The following ABR variants were observed in gnomAD, a reference collection of about 807,000 sequenced individuals.
ABR encodes ABR activator of RhoGEF and GTPase.
Under a neutral mutation model 107.2 loss-of-function variants are expected in ABR, and 35 were observed. The ratio of observed to expected loss-of-function variants is 0.33; its 90% CI spans 0.25 to 0.43. The LOEUF is 0.43. Ranked by LOEUF, ABR falls within the 20% of genes least tolerant of loss-of-function variation. The pLI is 1.00. For synonymous variants in ABR, 498 were observed against 462.0 expected, an observed-to-expected ratio of 1.08 and a Z score of -1.00; for missense variants, 815 against 1,115.2, an observed-to-expected ratio of 0.73 and a Z score of 3.83.
Position 1,005,987 on chromosome 17 carries a change from T to A in ABR, c.*93A>T. The A allele has an allele frequency of 8.4e-7, 1 of 1,184,082 alleles. No individual in the cohort carries two copies. The highest frequency in any genetic ancestry group is 1.2e-6 in the Non-Finnish European group (1 of 815,364). 73.3% of individuals were successfully genotyped at this position (1,184,082 alleles called of 1,614,324 possible). ...TCCCTCGAGTCTGGAGTGCTGGGTT[T>A]GGGAGTTTTCTATTGCAGTCTTTCA... On this transcript the variant is annotated 3_prime_UTR_variant, in exon 23 of 23. Transcript: ENST00000302538.
intron 16 of ABR, among the ~76,000 whole-genome samples, chr17:1,023,090 GCAGAGCCTCTGCCGGCCCCACGTCCACTA>G (rs2071836953): frequency 3.5e-5 from 4 of 114,686 alleles, no homozygotes; most frequent in South Asian, 2.8e-4. Context: ...CACGTCCACT[GCAGAGCCTCTGCCGGCCCCACGTCCACTA>G]CAGCGCCTCT....
chr17:1,207,822 T>C (rs1172066404), intron 1 of ABR, among the ~76,000 whole-genome samples: 6 of 151,548 alleles, frequency 4.0e-5, no homozygotes, highest in Non-Finnish European at 8.8e-5. Context: ...CAGGCTGGAG[T>C]GCAGAGGTGC....
intron 16 of ABR, among the ~76,000 whole-genome samples, chr17:1,024,927 C>A (rs1192162002): frequency 2.0e-5 from 3 of 151,940 alleles, no homozygotes; most frequent in Non-Finnish European, 4.4e-5. Flanking sequence ...CAAGACCAGC[C>A]TGGCTAACAC....
chr17:1,084,118 G>T lies in ABR; in HGVS notation c.532-491C>A, dbSNP rs1273723190. Among the ~76,000 whole-genome samples the T allele has an allele frequency of 6.6e-6, 1 of 152,224 alleles. No homozygotes were observed. Among genetic ancestry groups the T allele is most frequent in the Non-Finnish European group, 1.5e-5 (1 of 68,044 alleles). ...CATTTAAAGGTGCTGTCTTGGCCGG[G>T]CGTGGCGGCTCACGCCTGTAACCCC... On this transcript the variant is annotated intron_variant, in intron 4 of 22. Transcript: ENST00000302538. The surrounding 1 kb of genome is among the most constrained non-coding windows in gnomAD (Gnocchi z 4.2).
chr17:1,180,063 CGGGGCGGGGA>C (rs1243968088), upstream of ABR, among the ~76,000 whole-genome samples: 1,475 of 7,198 alleles, frequency 0.2, 54 homozygotes, highest in African/African-American at 0.37. Context: ...GGTGCGGGGG[CGGGGCGGGGA>C]GGGACCAATC....
At chr17:1,018,803 T>C (rs1275088443) in intron 16 of ABR, among the ~76,000 whole-genome samples, 1 of 152,184 alleles carries the variant, frequency 6.6e-6, no homozygotes, top group Admixed American at 6.5e-5. Context: ...CACTGATGAA[T>C]CCTCTACACA....
Position 1,108,966 on chromosome 17 carries a change from C to A in ABR, c.247-8231G>T, listed in dbSNP as rs1202002230. 1.9e-6 allele frequency: 3 copies of A among 1,596,866 alleles called. No homozygotes were observed. In the Admixed American group the frequency reaches 5.1e-5, roughly 27 times the overall value. On this transcript the variant is annotated intron_variant, in intron 2 of 22. Transcript: ENST00000302538. Reference sequence around the variant, plus strand: ...GCCACCAGGAAGGGGGACCCTGAGCCGGGGCTGGTCGGGGTTCCCAGCTCG... The same window carrying A: ...GCCACCAGGAAGGGGGACCCTGAGCAGGGGCTGGTCGGGGTTCCCAGCTCG...
chr17:1,101,797 G>T (rs912614541), intron 2 of ABR, among the ~76,000 whole-genome samples: 2 of 150,484 alleles, frequency 1.3e-5, no homozygotes, highest in Non-Finnish European at 3.0e-5. Context: ...GCAGTGGCGC[G>T]ATCTCGGCTC....
upstream of ABR, among the ~76,000 whole-genome samples, chr17:1,180,493 C>A (rs901606217): frequency 2.0e-5 from 3 of 152,078 alleles, no homozygotes; most frequent in Non-Finnish European, 4.4e-5. Flanking sequence ...CCGTTCCCGC[C>A]ACACATGGAG....
chr17:1,200,410 G>A lies in ABR; in HGVS notation c.838+28383C>T, dbSNP rs537248772. Among the ~76,000 whole-genome samples, 2 of 152,040 alleles carry A rather than the reference G, an allele frequency of 1.3e-5. No individual in the cohort carries two copies. The highest frequency in any genetic ancestry group is 2.4e-5 in the African/African-American group (1 of 41,408). ...TTTTTAAATAAAGTCTATGGGAGAC[G>A]TGATTAGGTTACATGTAACTATTAC... On this transcript the variant is annotated intron_variant, in intron 1 of 22. Coordinates refer to the ABR transcript ENST00000574139. The surrounding 1 kb of genome is among the most constrained non-coding windows in gnomAD (Gnocchi z 4.1).
In ABR at chr17:1,010,691, C is replaced by G. The variant is rs747683708; in HGVS notation, c.2236+38G>C. 6.2e-7 allele frequency: 1 copy of G among 1,605,866 alleles called. No homozygotes were observed. The highest frequency in any genetic ancestry group is 1.7e-5 in the Admixed American group (1 of 59,324). Reference sequence around the variant, plus strand: ...TCCGGGCAGGGAGTCCTGGCTCAGTCTGGCCCAGCCCAGTCCTAGGAGCCC... The same window carrying G: ...TCCGGGCAGGGAGTCCTGGCTCAGTGTGGCCCAGCCCAGTCCTAGGAGCCC... On this transcript the variant is annotated intron_variant, in intron 20 of 22. Coordinates refer to ENST00000302538, the MANE Select transcript of ABR (RefSeq NM_021962.5). This position sits in a 1 kb window ranked among gnomAD's most constrained non-coding sequence, Gnocchi z 4.1.
At chr17:1,198,265 C>A (rs770972763) in intron 1 of ABR, among the ~76,000 whole-genome samples, 20 of 151,574 alleles carry the variant, frequency 1.3e-4, no homozygotes, top group Non-Finnish European at 2.5e-4. Context: ...CGACTTCCTG[C>A]AAAGACCACT....
chr17:1,143,771 G>A (rs1033845150), intron 1 of ABR, among the ~76,000 whole-genome samples: 2 of 152,138 alleles, frequency 1.3e-5, no homozygotes, highest in African/African-American at 2.4e-5. Flanking sequence ...CTGAGACAAA[G>A]GAATCATAGT....
intron 1 of ABR, among the ~76,000 whole-genome samples, chr17:1,202,877 T>C (rs1297010715): frequency 3.2e-5 from 4 of 126,564 alleles, no homozygotes; most frequent in Non-Finnish European, 6.4e-5. Flanking sequence ...GTAATTGCTG[T>C]TTTTGCCATT....
intron 3 of ABR, among the ~76,000 whole-genome samples, chr17:1,096,368 A>G (rs1284907130): frequency 6.6e-6 from 1 of 152,180 alleles, no homozygotes; most frequent in Non-Finnish European, 1.5e-5. Context: ...GAAAGCGAGC[A>G]TGGAGGGAAC....
At chr17:1,220,223 A>G (rs187705571) in intron 1 of ABR, among the ~76,000 whole-genome samples, 3 of 150,036 alleles carry the variant, frequency 2.0e-5, no homozygotes, top group Admixed American at 1.3e-4. Flanking sequence ...TCCCGGAGGC[A>G]GAGCTTGCAG....
At chr17:1,061,880 G>A (rs949165096) in intron 10 of ABR, among the ~76,000 whole-genome samples, 1 of 152,164 alleles carries the variant, frequency 6.6e-6, no homozygotes, top group Non-Finnish European at 1.5e-5. Flanking sequence ...CGAATATGAG[G>A]AACATGGAAC....
At chr17:1,065,807 G>A (rs571882788) in intron 10 of ABR, among the ~76,000 whole-genome samples, 308 of 144,070 alleles carry the variant, frequency 2.1e-3, no homozygotes, top group Middle Eastern at 0.014. Flanking sequence ...GTGCAGCAGC[G>A]GAATCTCAGC....
At chr17:1,203,815 A>G (rs8075904) in intron 1 of ABR, among the ~76,000 whole-genome samples, 145,522 of 152,118 alleles carry the variant, frequency 0.96, 69,956 homozygotes, top group East Asian at 1. Context: ...GCGTGGCGAG[A>G]GACCCGCCAG....
Sources: allele counts gnomAD v4.1 joint callset (sites outside exome capture counted in the v4.1 genomes callset), GRCh38; gene constraint gnomAD v4.1.1; non-coding constraint Gnocchi (gnomAD v3.1); transcripts MANE v1.5; gene names NCBI Gene and HGNC (gene_info 2026-07-23, HGNC 2026-07-21).